The following ATP11B variants were observed in gnomAD, a reference collection of about 807,000 sequenced individuals.
ATP11B encodes ATPase phospholipid transporting 11B (putative), also known as phospholipid-transporting ATPase IF.
ATP11B carries 81 observed loss-of-function variants against 157.8 expected under a neutral mutation model. The observed-to-expected ratio is 0.51, with a 90% CI of 0.43 to 0.62. ATP11B has a LOEUF of 0.62. ATP11B is among the 20% of genes least tolerant of loss of function. The pLI is 0.00. For missense variants in ATP11B, 1,165 were observed against 1,402.2 expected (o/e 0.83, Z 2.70); for synonymous variants, 451 against 469.4 (o/e 0.96, Z 0.51).
At chr3:182,915,926 A>C (rs1168285649) in intron 29 of ATP11B, 9 of 977,822 alleles carry the variant, frequency 9.2e-6, no homozygotes, top group Non-Finnish European at 1.1e-5. Flanking sequence ...TTAGACTATA[A>C]ATGCCCTTCC....
At chr3:182,883,175 A>G (rs180934143) in intron 21 of ATP11B, among the ~76,000 whole-genome samples, 1 of 152,306 alleles carries the variant, frequency 6.6e-6, no homozygotes, top group Admixed American at 6.5e-5. Context: ...AAAATTGAGC[A>G]TGTTGATAAA....
In ATP11B at chr3:182,920,066, ATTACAT is replaced by A. The variant is rs922968836; in HGVS notation, c.*1969_*1974del. On this transcript the variant is annotated 3_prime_UTR_variant, in exon 30 of 30. Transcript: ENST00000323116. Reference sequence around the variant, plus strand: ...ACAAAATGACACCCAGTAGGCCTGCATTACATTTACATGACCGTGTTTATTTGCCAT... The same window carrying A: ...ACAAAATGACACCCAGTAGGCCTGCATTACATGACCGTGTTTATTTGCCAT... The A allele has an allele frequency of 1.3e-5, 2 of 152,226 alleles. No homozygotes were observed. The highest frequency in any genetic ancestry group is 4.8e-5 in the African/African-American group (2 of 41,456). The allele number at this position is 152,226 out of a possible 1,614,324, so 9.4% of individuals were successfully genotyped here. A position where few individuals can be genotyped will look rare whatever the true frequency, so the allele number is the denominator to read the frequency against.
chr3:182,888,497 G>C (rs897621150), intron 24 of ATP11B, among the ~76,000 whole-genome samples: 3 of 152,054 alleles, frequency 2.0e-5, no homozygotes, highest in Non-Finnish European at 4.4e-5. Flanking sequence ...CAAAATTAAA[G>C]TGAAGTATTA....
intron 9 of ATP11B, 71 bp from the exon 10 acceptor site, chr3:182,848,405 G>C: frequency 1.1e-6 from 1 of 916,462 alleles, no homozygotes; most frequent in East Asian, 3.0e-5. Flanking sequence ...TTTCATGCTG[G>C]TAAATATATT....
At chr3:182,890,702 T>G (rs1404060389) in intron 25 of ATP11B, among the ~76,000 whole-genome samples, 1 of 152,194 alleles carries the variant, frequency 6.6e-6, no homozygotes, top group Non-Finnish European at 1.5e-5. Context: ...AAATAATAAC[T>G]ACCTTTTGTT....
At chr3:182,835,976 G>T in intron 4 of ATP11B, 59 bp from the exon 5 acceptor site, 1 of 1,409,616 alleles carries the variant, frequency 7.1e-7, no homozygotes. Context: ...TTTCTTATTT[G>T]ATAAAAGTAT....
At chr3:182,868,370 C>T (rs1239967135) in intron 15 of ATP11B, among the ~76,000 whole-genome samples, 2 of 149,248 alleles carry the variant, frequency 1.3e-5, no homozygotes, top group Admixed American at 1.4e-4. Flanking sequence ...TCTTTGGCTA[C>T]TTTCATGTGA....
chr3:182,916,294 A>T (rs1725136901), intron 29 of ATP11B: 1 of 985,222 alleles, frequency 1.0e-6, no homozygotes, highest in Admixed American at 6.2e-5. Flanking sequence ...TGAGACTGCC[A>T]TTCCAAGATG....
intron 4 of ATP11B, among the ~76,000 whole-genome samples, chr3:182,834,243 T>G (rs1264961667): frequency 2.0e-5 from 3 of 152,232 alleles, no homozygotes; most frequent in Non-Finnish European, 4.4e-5. Flanking sequence ...CAACATAATT[T>G]AGGTGTCTTA....
chr3:182,901,831 T>C (rs557530745), intron 28 of ATP11B, among the ~76,000 whole-genome samples: 2 of 152,322 alleles, frequency 1.3e-5, no homozygotes, highest in Admixed American at 1.3e-4. Context: ...AAGCTAAAAA[T>C]TGATTTAGTC....
chr3:182,825,494 G>A (rs980335658), intron 2 of ATP11B, among the ~76,000 whole-genome samples: 9 of 151,984 alleles, frequency 5.9e-5, no homozygotes, highest in African/African-American at 1.9e-4. Flanking sequence ...CAAGGTGGGC[G>A]GATCACTTGA....
intron 12 of ATP11B, among the ~76,000 whole-genome samples, chr3:182,861,100 T>A (rs2108536145): frequency 6.7e-6 from 1 of 149,586 alleles, no homozygotes; most frequent in African/African-American, 2.5e-5. Flanking sequence ...AGTTTTGCTC[T>A]TGTTGCCCAG....
rs773716692 is a variant in ATP11B at position 182,887,690 on chromosome 3, A to G, written c.2820A>G (p.Leu940=). Residue 940 remains leucine, a synonymous_variant, in exon 24 of 30, where the codon TTA becomes TTG. Transcript: ENST00000323116. Reference sequence around the variant, plus strand: ...AACAGCATGTAGACCCTCATGTGTTACAAAATAAGCCCACCCTTTATCGGT... The same window carrying G: ...AACAGCATGTAGACCCTCATGTGTTGCAAAATAAGCCCACCCTTTATCGGT... ...LLEQHVDPHV[L]QNKPTLYRDI... The G allele has an allele frequency of 2.5e-6, 4 of 1,611,386 alleles. No individual in the cohort carries two copies. The highest frequency in any genetic ancestry group is 3.4e-5 in the Admixed American group (2 of 59,526).
At chr3:182,890,658 T>C (rs1309406645) in intron 25 of ATP11B, among the ~76,000 whole-genome samples, 2 of 152,222 alleles carry the variant, frequency 1.3e-5, no homozygotes, top group Non-Finnish European at 2.9e-5. Flanking sequence ...GATGAAAATA[T>C]GAATCTTGTA....
chr3:182,802,255 C>T (rs1716062342), intron 1 of ATP11B, among the ~76,000 whole-genome samples: 1 of 152,120 alleles, frequency 6.6e-6, no homozygotes, highest in Admixed American at 6.5e-5. Flanking sequence ...CAAAAGCTTC[C>T]TAGTTCATCT....
chr3:182,869,223 T>C lies in ATP11B; in HGVS notation c.1763-5T>C. Reference sequence around the variant, plus strand: ...AGTCTGATAACTCATTTTTTTTGTCTCTAGGTGAGAAGTTATTATTTGCTA... The same window carrying C: ...AGTCTGATAACTCATTTTTTTTGTCCCTAGGTGAGAAGTTATTATTTGCTA... On this transcript the variant is annotated splice_region_variant and splice_polypyrimidine_tract_variant and intron_variant, in intron 16 of 29. Transcript: ENST00000323116. 1 of 1,604,790 alleles carries C rather than the reference T, an allele frequency of 6.2e-7. No homozygotes were observed. The highest frequency in any genetic ancestry group is 1.7e-5 in the Admixed American group (1 of 59,332).
chr3:182,828,511 A>G (rs9852180), intron 3 of ATP11B, among the ~76,000 whole-genome samples: 5,291 of 152,160 alleles, frequency 0.035, 315 homozygotes, highest in African/African-American at 0.12. Context: ...GCCTCAGAAC[A>G]TAAATGTTTA....
At chr3:182,797,450 G>T (rs1715691106) in intron 1 of ATP11B, among the ~76,000 whole-genome samples, 3 of 152,204 alleles carry the variant, frequency 2.0e-5, no homozygotes, top group African/African-American at 4.8e-5. Flanking sequence ...GCTCATTCCT[G>T]TAATCCCAGT....
In ATP11B at chr3:182,918,458, T is replaced by C. The variant is rs1467508111; in HGVS notation, c.*354T>C. The stretch of plus-strand genomic sequence containing the variant: ...AAGAGAGAAATCTTAGTAAAGAGTA[T>C]TTTTTAGTATTAGCTTGATTATTGA... On this transcript the variant is annotated 3_prime_UTR_variant, in exon 30 of 30. Coordinates refer to ENST00000323116, the MANE Select transcript of ATP11B (RefSeq NM_014616.3). 1 of 398,534 alleles carries C rather than the reference T, an allele frequency of 2.5e-6. No individual in the cohort carries two copies. The highest frequency in any genetic ancestry group is 4.4e-6 in the Non-Finnish European group (1 of 225,802). The allele number at this position is 398,534 out of a possible 1,614,324, so 24.7% of individuals were successfully genotyped here. A position where few individuals can be genotyped will look rare whatever the true frequency, so the allele number is the denominator to read the frequency against.
Sources: gnomAD v4.1 joint callset for allele counts (sites outside exome capture counted in the v4.1 genomes callset) on GRCh38, gnomAD v4.1.1 for gene constraint, MANE v1.5 for transcripts, NCBI Gene and HGNC (gene_info 2026-07-23, HGNC 2026-07-21) for gene names.